The following INPP4A variants were observed in gnomAD, a reference collection of about 807,000 sequenced individuals.
INPP4A encodes inositol polyphosphate-4-phosphatase type I A.
A neutral mutation model predicts 119.8 loss-of-function variants in INPP4A; 33 were observed. The observed-to-expected ratio is 0.28, with a 90% CI of 0.21 to 0.37. The LOEUF (loss-of-function observed/expected upper bound fraction) is 0.37. Among genes scored for constraint, INPP4A ranks in the 10% least tolerant of loss-of-function variants. INPP4A has a pLI of 1.00. For synonymous variants in INPP4A, 496 were observed against 500.7 expected (o/e 0.99, Z 0.12); for missense variants, 956 against 1,289.9 (o/e 0.74, Z 3.97).
At chr2:98,548,179 A>G (rs1212696729) in intron 13 of INPP4A, among the ~76,000 whole-genome samples, 2 of 152,168 alleles carry the variant, frequency 1.3e-5, no homozygotes, top group African/African-American at 4.8e-5. Flanking sequence ...ATACGTGCAC[A>G]GGCTGCCTGG....
Position 98,546,779 on chromosome 2 carries a change from G to A in INPP4A, c.1163+85G>A, listed in dbSNP as rs570389847. 1,051 of 853,046 alleles carry A rather than the reference G, an allele frequency of 1.2e-3. 15 individuals carry two copies. In the South Asian group the frequency reaches 0.014, roughly 12 times the overall value. The allele number at this position is 853,046 out of a possible 1,614,324, so 52.8% of individuals were successfully genotyped here. A position where few individuals can be genotyped will look rare whatever the true frequency, so the allele number is the denominator to read the frequency against. ...TTTAAAATAAAATCAAAATATGACC[G>A]CAAAAACACCCAGCCATCTGATCTG... On this transcript the variant is annotated intron_variant, in intron 13 of 24. Coordinates refer to ENST00000409851, the MANE Select transcript of INPP4A (RefSeq NM_001134225.2). The surrounding 1 kb of genome is among the most constrained non-coding windows in gnomAD (Gnocchi z 4.2).
intron 1 of INPP4A, among the ~76,000 whole-genome samples, chr2:98,463,002 C>T (rs1291015959): frequency 4.6e-5 from 7 of 152,174 alleles, no homozygotes; most frequent in Admixed American, 1.3e-4. Flanking sequence ...CCATCACATC[C>T]GGCTAATTTT....
chr2:98,576,946 G>A, intron 23 of INPP4A, 43 bp from the exon 24 acceptor site: 1 of 1,586,592 alleles, frequency 6.3e-7, no homozygotes, highest in Non-Finnish European at 8.6e-7. Flanking sequence ...CTGCCTTTCT[G>A]TGGAGCCTCG....
chr2:98,549,129 G>A lies in INPP4A; in HGVS notation c.1163+2435G>A, dbSNP rs147079573. Among the ~76,000 whole-genome samples, 506 of 152,268 alleles carry A rather than the reference G, an allele frequency of 3.3e-3. 7 individuals are homozygous for A. The highest frequency in any genetic ancestry group is 0.011 in the African/African-American group (466 of 41,530). Reference sequence around the variant, plus strand: ...AACAGTCCTCCCTTCCAACTGCAATGTTCTTTAATAATGAATAGCCAATCT... The same window carrying A: ...AACAGTCCTCCCTTCCAACTGCAATATTCTTTAATAATGAATAGCCAATCT... On this transcript the variant is annotated intron_variant, in intron 13 of 24. Transcript: ENST00000409851.
At chr2:98,499,829 A>C (rs1024389726) in intron 1 of INPP4A, among the ~76,000 whole-genome samples, 2 of 152,218 alleles carry the variant, frequency 1.3e-5, no homozygotes, top group African/African-American at 4.8e-5. Flanking sequence ...TTTATGGAGA[A>C]GTAGTAAGTT....
intron 1 of INPP4A, among the ~76,000 whole-genome samples, chr2:98,457,764 A>G (rs930627873): frequency 3.9e-5 from 6 of 152,162 alleles, no homozygotes; most frequent in Non-Finnish European, 7.4e-5. Context: ...TTTTCTGATT[A>G]TGTAGATGTT....
At position 98,497,656 on chromosome 2, in the gene INPP4A, G is replaced by T. The variant is rs144217027; in HGVS notation, c.-165-21308G>T. On this transcript the variant is annotated intron_variant, in intron 1 of 24. Coordinates refer to ENST00000409851, the MANE Select transcript of INPP4A (RefSeq NM_001134225.2). ...TGTATGTTTCTGACGTTAACCCCTT[G>T]TCTAATATGTAGTTTGCAAATATTT... 3.5e-3 allele frequency among the ~76,000 whole-genome samples: 526 copies of T among 151,948 alleles called. 8 individuals are homozygous for T. The highest frequency in any genetic ancestry group is 0.012 in the African/African-American group (486 of 41,390).
At chr2:98,544,272 A>G (rs1234605266) in intron 11 of INPP4A, among the ~76,000 whole-genome samples, 1 of 152,230 alleles carries the variant, frequency 6.6e-6, no homozygotes, top group African/African-American at 2.4e-5. Flanking sequence ...CTATGGTGTC[A>G]TCTACCAAAA....
chr2:98,568,224 C>T (rs1260548960), intron 21 of INPP4A, among the ~76,000 whole-genome samples: 1 of 152,118 alleles, frequency 6.6e-6, no homozygotes, highest in Non-Finnish European at 1.5e-5. Flanking sequence ...TACCTCACTG[C>T]CGTCCCCCCT....
intron 1 of INPP4A, among the ~76,000 whole-genome samples, chr2:98,449,341 A>G (rs1014059033): frequency 6.6e-6 from 1 of 152,122 alleles, no homozygotes; most frequent in Non-Finnish European, 1.5e-5. Context: ...TCCTTTCTCT[A>G]TTATTTACTT....
intron 19 of INPP4A, among the ~76,000 whole-genome samples, chr2:98,565,309 C>CTCATTTCGTGTT (rs1696227907): frequency 6.6e-6 from 1 of 152,186 alleles, no homozygotes. Flanking sequence ...TTTAGCATCT[C>CTCATTTCGTGTT]TCATTTCGTG....
At position 98,546,725 on chromosome 2, in the gene INPP4A, G is replaced by A; in HGVS notation, c.1163+31G>A. On this transcript the variant is annotated intron_variant, in intron 13 of 24. Transcript: ENST00000409851. The surrounding 1 kb of genome is among the most constrained non-coding windows in gnomAD (Gnocchi z 4.2). ...TAGCCAGAGAGGGTTTGTGGTCCTT[G>A]TACAGCTTTCTGATGCTTCTTTTCT... The A allele has an allele frequency of 7.7e-7, 1 of 1,299,538 alleles. No individual in the cohort carries two copies. The highest frequency in any genetic ancestry group is 1.1e-6 in the Non-Finnish European group (1 of 896,624). 80.5% of individuals were successfully genotyped at this position (1,299,538 alleles called of 1,614,324 possible).
At chr2:98,503,535 C>G (rs1219615687) in intron 1 of INPP4A, among the ~76,000 whole-genome samples, 1 of 152,206 alleles carries the variant, frequency 6.6e-6, no homozygotes, top group Non-Finnish European at 1.5e-5. Flanking sequence ...GCCTCTGTAG[C>G]AGCATGGGGC....
At position 98,592,782 on chromosome 2, in the gene INPP4A, C is replaced by T. The variant is rs932856993; in HGVS notation, c.*5174C>T. ...CCCTGCTGACGCTAACTGTGGGTAC[C>T]AACCAGCACCGTGGACATCGGCCCC... On this transcript the variant is annotated 3_prime_UTR_variant, in exon 25 of 25. Transcript: ENST00000409851. 2 of 152,398 alleles carry T rather than the reference C, an allele frequency of 1.3e-5. No homozygotes were observed. Among genetic ancestry groups the T allele is most frequent in the South Asian group, 2.1e-4 (1 of 4,830 alleles). The allele number at this position is 152,398 out of a possible 1,614,324, so 9.4% of individuals were successfully genotyped here.
At position 98,569,213 on chromosome 2, in the gene INPP4A, C is replaced by CT. The variant is rs1197928119; in HGVS notation, c.2518+546dup. ...ACAGAACTAAGGGAGGAACCGAGAG[C>CT]TGCACAGCACTGTCTACGAGAATTC... On this transcript the variant is annotated intron_variant, in intron 22 of 24. Coordinates refer to ENST00000409851, the MANE Select transcript of INPP4A (RefSeq NM_001134225.2). This position sits in a 1 kb window ranked among gnomAD's most constrained non-coding sequence, Gnocchi z 5.1. The CT allele has an allele frequency of 6.4e-6, 1 of 155,434 alleles. No individual in the cohort carries two copies. Among genetic ancestry groups the CT allele is most frequent in the Non-Finnish European group, 1.4e-5 (1 of 70,002 alleles). 9.6% of individuals were successfully genotyped at this position (155,434 alleles called of 1,614,324 possible). A position where few individuals can be genotyped will look rare whatever the true frequency, so the allele number is the denominator to read the frequency against.
At chr2:98,520,775 T>C (rs2105743397) in intron 4 of INPP4A, 44 bp downstream of exon 4, 3 of 1,167,230 alleles carry the variant, frequency 2.6e-6, no homozygotes, top group East Asian at 2.6e-5. Flanking sequence ...AATATTTTAC[T>C]TAAAAATGAA....
At chr2:98,505,268 C>T (rs1396676491) in intron 1 of INPP4A, among the ~76,000 whole-genome samples, 1 of 152,226 alleles carries the variant, frequency 6.6e-6, no homozygotes, top group Non-Finnish European at 1.5e-5. Context: ...ACCTCTTCTT[C>T]CAAGGGTGCA....
chr2:98,469,906 C>T (rs1409901262), intron 1 of INPP4A, among the ~76,000 whole-genome samples: 2 of 152,162 alleles, frequency 1.3e-5, no homozygotes, highest in Non-Finnish European at 2.9e-5. Flanking sequence ...TCTTAGATGC[C>T]GAGCCTCAGT....
At chr2:98,539,458 G>A (rs1299289831) in intron 9 of INPP4A, 70 bp from the exon 10 acceptor site, 3 of 1,524,176 alleles carry the variant, frequency 2.0e-6, no homozygotes, top group East Asian at 2.4e-5. Flanking sequence ...AGGGCCGGGG[G>A]AGGAGAACCC....
Sources: allele counts gnomAD v4.1 joint callset (sites outside exome capture counted in the v4.1 genomes callset), GRCh38; gene constraint gnomAD v4.1.1; non-coding constraint Gnocchi (gnomAD v3.1); transcripts MANE v1.5; gene names NCBI Gene and HGNC (gene_info 2026-07-23, HGNC 2026-07-21).